The following TMTC1 variants were observed in gnomAD, a reference collection of about 807,000 sequenced individuals.
TMTC1 encodes transmembrane O-mannosyltransferase targeting cadherins 1, also known as protein O-mannosyl-transferase TMTC1.
TMTC1 carries 73 observed loss-of-function variants against 104.8 expected under a neutral mutation model. The ratio of observed to expected loss-of-function variants is 0.70; its 90% CI spans 0.58 to 0.85. TMTC1 has a LOEUF of 0.85. Ranked by LOEUF, TMTC1 falls within the 40% of genes least tolerant of loss-of-function variation. The probability of loss-of-function intolerance (pLI) is 0.00; values close to 1 mark genes in which losing one functional copy is unlikely to be tolerated. For missense variants in TMTC1, 1,035 were observed against 1,096.1 expected (o/e 0.94, Z 0.79); for synonymous variants, 434 against 428.7 (o/e 1.01, Z -0.15).
intron 5 of TMTC1, among the ~76,000 whole-genome samples, chr12:29,706,244 G>A (rs920325455): frequency 6.6e-6 from 1 of 152,190 alleles, no homozygotes; most frequent in African/African-American, 2.4e-5. Context: ...GCTGAATTCT[G>A]ACCCAGCTAT....
rs1943880504 is a variant in TMTC1 at position 29,783,364 on chromosome 12, A to G, written c.302+86T>C. The G allele has an allele frequency of 8.4e-7, 1 of 1,192,246 alleles. No individual in the cohort carries two copies. The highest frequency in any genetic ancestry group is 3.1e-5 in the South Asian group (1 of 31,806). 73.9% of individuals were successfully genotyped at this position (1,192,246 alleles called of 1,614,324 possible). A position where few individuals can be genotyped will look rare whatever the true frequency, so the allele number is the denominator to read the frequency against. ...AGGGCGGCAAAAATGAAATGCCCCC[A>G]AGTCAGTCCCGCAACTTCTCCCGGT... On this transcript the variant is annotated intron_variant, in intron 1 of 17. Coordinates refer to ENST00000539277, the MANE Select transcript of TMTC1 (RefSeq NM_001193451.2). The surrounding 1 kb of genome is among the most constrained non-coding windows in gnomAD (Gnocchi z 4.7).
At position 29,501,014 on chromosome 12, in the gene TMTC1, G is replaced by C. The variant is rs1463066508; in HGVS notation, c.*5832C>G. The C allele has an allele frequency of 6.6e-6, 1 of 152,512 alleles. No individual in the cohort carries two copies. The highest frequency in any genetic ancestry group is 2.4e-5 in the African/African-American group (1 of 41,406). The allele number at this position is 152,512 out of a possible 1,614,324, so 9.4% of individuals were successfully genotyped here. A position where few individuals can be genotyped will look rare whatever the true frequency, so the allele number is the denominator to read the frequency against. ...CATTTACATACAACTGATCCAAACA[G>C]GAAGTAAAAGCATTATGAAAAAAGA... On this transcript the variant is annotated 3_prime_UTR_variant, in exon 18 of 18. Transcript: ENST00000539277.
At chr12:29,666,162 T>C (rs1005337296) in intron 5 of TMTC1, 3 of 432,658 alleles carry the variant, frequency 6.9e-6, no homozygotes, top group Admixed American at 2.8e-5. Context: ...GATCAATAAA[T>C]GCTTACTGAG....
In TMTC1 at chr12:29,502,678, A is replaced by T. The variant is rs1398453239; in HGVS notation, c.*4168T>A. 6.6e-6 allele frequency: 1 copy of T among 152,218 alleles called. No homozygotes were observed. The highest frequency in any genetic ancestry group is 1.5e-5 in the Non-Finnish European group (1 of 68,038). 9.4% of individuals were successfully genotyped at this position (152,218 alleles called of 1,614,324 possible). A position where few individuals can be genotyped will look rare whatever the true frequency, so the allele number is the denominator to read the frequency against. On this transcript the variant is annotated 3_prime_UTR_variant, in exon 18 of 18. Transcript: ENST00000539277. The stretch of plus-strand genomic sequence containing the variant: ...AATTGTGCCATACATCATTGTTAAG[A>T]CTTCTTTGGCTCATTTTAGTATAGA...
intron 5 of TMTC1, among the ~76,000 whole-genome samples, chr12:29,664,135 C>T (rs1042291008): frequency 2.0e-5 from 3 of 149,094 alleles, no homozygotes; most frequent in South Asian, 2.1e-4. Context: ...TGCAGTGAGC[C>T]GAGATCCCGC....
At chr12:29,653,079 A>G (rs1939598210) in intron 5 of TMTC1, among the ~76,000 whole-genome samples, 2 of 149,984 alleles carry the variant, frequency 1.3e-5, no homozygotes, top group South Asian at 2.1e-4. Flanking sequence ...ATAAAAATAT[A>G]TATTATATAT....
intron 15 of TMTC1, 120 bp downstream of exon 15, chr12:29,516,229 T>G (rs1943981607): frequency 1.1e-5 from 14 of 1,260,502 alleles, no homozygotes; most frequent in Non-Finnish European, 1.5e-5. Context: ...AGATAGGATA[T>G]GCTGACGGAT....
chr12:29,659,938 T>G, intron 5 of TMTC1: 1 of 1,536,044 alleles, frequency 6.5e-7, no homozygotes, highest in Non-Finnish European at 8.7e-7. Flanking sequence ...AAGAGGGGCA[T>G]AGATCCTCCC....
intron 6 of TMTC1, among the ~76,000 whole-genome samples, chr12:29,620,008 C>T (rs1947089321): frequency 6.6e-6 from 1 of 152,168 alleles, no homozygotes; most frequent in Non-Finnish European, 1.5e-5. Context: ...AGATTCTGGT[C>T]ATGGAAGCAT....
intron 5 of TMTC1, among the ~76,000 whole-genome samples, chr12:29,649,113 C>A (rs1017430205): frequency 3.9e-5 from 6 of 152,096 alleles, no homozygotes; most frequent in Non-Finnish European, 7.4e-5. Context: ...TTGGCTGCAG[C>A]CCCCCTCCAC....
At chr12:29,755,627 TA>T in intron 4 of TMTC1, 81 bp downstream of exon 4, 2 of 1,239,232 alleles carry the variant, frequency 1.6e-6, no homozygotes, top group Non-Finnish European at 2.2e-6. Context: ...TTATATTTTT[TA>T]AATGGAAGTT....
chr12:29,529,138 T>G (rs1170794534), intron 11 of TMTC1, among the ~76,000 whole-genome samples: 1 of 152,210 alleles, frequency 6.6e-6, no homozygotes, highest in Non-Finnish European at 1.5e-5. Context: ...ATATATCATG[T>G]GGCTGCTAGA....
intron 8 of TMTC1, among the ~76,000 whole-genome samples, chr12:29,575,415 T>C (rs202105353): frequency 6.6e-6 from 1 of 152,072 alleles, no homozygotes; most frequent in Non-Finnish European, 1.5e-5. Context: ...GAGAATTCCA[T>C]ACAATGTGTT....
intron 5 of TMTC1, among the ~76,000 whole-genome samples, chr12:29,746,947 C>T (rs764996809): frequency 2.5e-4 from 38 of 152,192 alleles, no homozygotes; most frequent in Non-Finnish European, 4.4e-4. Flanking sequence ...AAAAATAGTG[C>T]CTGACACATA....
At chr12:29,516,280 A>G (rs1943983162) in intron 15 of TMTC1, 69 bp downstream of exon 15, 1 of 1,527,382 alleles carries the variant, frequency 6.5e-7, no homozygotes, top group Non-Finnish European at 8.8e-7. Context: ...CGCAAACTGG[A>G]GAATCACTTA....
At position 29,527,350 on chromosome 12, in the gene TMTC1, G is replaced by A. The variant is rs371985715; in HGVS notation, c.1786-6630C>T. ...TGTATACAGTGAAACAGAACAGTGA[G>A]TGAGAGACACAATCCCTACCTTCAC... On this transcript the variant is annotated intron_variant, in intron 11 of 17. Transcript: ENST00000539277. 9.8e-5 allele frequency among the ~76,000 whole-genome samples: 15 copies of A among 152,336 alleles called. 2 individuals carry two copies. The South Asian group carries it at 2.9e-3, about 29-fold the overall frequency.
At chr12:29,590,978 G>T (rs1946266614) in intron 7 of TMTC1, among the ~76,000 whole-genome samples, 1 of 152,094 alleles carries the variant, frequency 6.6e-6, no homozygotes, top group Non-Finnish European at 1.5e-5. Context: ...ATAGTTTGTG[G>T]ATCCCTGCTA....
chr12:29,533,364 G>T (rs559858442), intron 11 of TMTC1: 56 of 152,298 alleles, frequency 3.7e-4, no homozygotes, highest in African/African-American at 1.2e-3. Context: ...GATGGGAAAT[G>T]ATGTCAACAG....
At chr12:29,725,025 T>A (rs2136896016) in intron 5 of TMTC1, among the ~76,000 whole-genome samples, 2 of 134,590 alleles carry the variant, frequency 1.5e-5, no homozygotes, top group South Asian at 5.1e-4. Flanking sequence ...TTTTTTTTTT[T>A]TTTTTTTTTT....
Sources: allele counts gnomAD v4.1 joint callset (sites outside exome capture counted in the v4.1 genomes callset), GRCh38; gene constraint gnomAD v4.1.1; non-coding constraint Gnocchi (gnomAD v3.1); transcripts MANE v1.5; gene names NCBI Gene and HGNC (gene_info 2026-07-23, HGNC 2026-07-21).